SPOCK3: variants seen among roughly 807,000 people sequenced by gnomAD.
SPOCK3 encodes the protein testican-3.
SPOCK3 carries 30 observed loss-of-function variants against 56.6 expected under a neutral mutation model. The ratio of observed to expected loss-of-function variants is 0.53; its 90% CI spans 0.40 to 0.72. The LOEUF (loss-of-function observed/expected upper bound fraction) is 0.72. SPOCK3 is among the 30% of genes least tolerant of loss of function. SPOCK3 has a pLI of 0.00. For synonymous variants in SPOCK3, 196 were observed against 183.3 expected, an observed-to-expected ratio of 1.07 and a Z score of -0.56; for missense variants, 527 against 530.0, an observed-to-expected ratio of 0.99 and a Z score of 0.06.
At chr4:166,776,341 A>G (rs541153389) in intron 7 of SPOCK3, among the ~76,000 whole-genome samples, 1 of 152,270 alleles carries the variant, frequency 6.6e-6, no homozygotes, top group South Asian at 2.1e-4. Flanking sequence ...TCAACCCGGG[A>G]AGTGGATGTT....
chr4:167,055,389 A>C (rs1421889430), intron 3 of SPOCK3, among the ~76,000 whole-genome samples: 1 of 152,186 alleles, frequency 6.6e-6, no homozygotes, highest in African/African-American at 2.4e-5. Flanking sequence ...AAGATGGGTG[A>C]TTTCTGCATT....
chr4:167,131,975 T>C (rs1762738846), intron 2 of SPOCK3, among the ~76,000 whole-genome samples: 1 of 152,318 alleles, frequency 6.6e-6, no homozygotes, highest in African/African-American at 2.4e-5. Flanking sequence ...GAAGCCCAGG[T>C]ATTTATATTT....
intron 2 of SPOCK3, among the ~76,000 whole-genome samples, chr4:167,164,113 C>T (rs1035395314): frequency 2.6e-5 from 4 of 152,170 alleles, no homozygotes; most frequent in African/African-American, 9.6e-5. Context: ...ACTATTCAGA[C>T]TTGTCCAGAC....
At chr4:166,843,258 G>T (rs1747677694) in intron 6 of SPOCK3, among the ~76,000 whole-genome samples, 2 of 152,250 alleles carry the variant, frequency 1.3e-5, no homozygotes, top group African/African-American at 4.8e-5. Flanking sequence ...TGGGCTGAAG[G>T]GCTTCTCAAG....
chr4:167,143,697 A>G (rs1763712857), intron 2 of SPOCK3, among the ~76,000 whole-genome samples: 1 of 151,958 alleles, frequency 6.6e-6, no homozygotes, highest in African/African-American at 2.4e-5. Context: ...TAAAAAATCA[A>G]AAACTAAAAG....
chr4:167,091,245 A>G (rs1000667894), intron 2 of SPOCK3, among the ~76,000 whole-genome samples: 3 of 152,186 alleles, frequency 2.0e-5, no homozygotes, highest in Non-Finnish European at 4.4e-5. Flanking sequence ...ATATTTAAAT[A>G]CCTACATGGT....
chr4:166,765,401 A>G (rs1737867192), intron 7 of SPOCK3, among the ~76,000 whole-genome samples: 1 of 152,204 alleles, frequency 6.6e-6, no homozygotes, highest in African/African-American at 2.4e-5. Context: ...AGCTTTGTAC[A>G]TATGGCTAGC....
chr4:167,067,100 G>A (rs1387704924), intron 2 of SPOCK3, among the ~76,000 whole-genome samples: 1 of 151,834 alleles, frequency 6.6e-6, no homozygotes, highest in African/African-American at 2.4e-5. Context: ...AGGAGATCTT[G>A]ATGCCCAAAA....
chr4:166,923,267 T>G (rs1033719361), intron 4 of SPOCK3, among the ~76,000 whole-genome samples: 1 of 152,238 alleles, frequency 6.6e-6, no homozygotes, highest in Non-Finnish European at 1.5e-5. Flanking sequence ...CATTTAGGTC[T>G]CACCCTGATA....
In SPOCK3 at chr4:167,138,277, C is replaced by T. The variant is rs1456493321; in HGVS notation, c.190-75740G>A. Among the ~76,000 whole-genome samples the T allele has an allele frequency of 2.0e-5, 3 of 151,938 alleles. No individual in the cohort carries two copies. In the East Asian group the frequency reaches 5.8e-4, roughly 29 times the overall value. On this transcript the variant is annotated intron_variant, in intron 2 of 10. Coordinates refer to ENST00000357545, the MANE Select transcript of SPOCK3 (RefSeq NM_001040159.2). ...AAAAACATTAGGTTTTAACTTCAGA[C>T]CATCTCTATTGTCTCTACTATTTTT...
chr4:166,780,938 C>T (rs539239722), intron 7 of SPOCK3, among the ~76,000 whole-genome samples: 33 of 152,228 alleles, frequency 2.2e-4, no homozygotes, highest in African/African-American at 5.3e-4. Context: ...GCCAGTCTCA[C>T]GCTAAGCACA....
chr4:167,182,261 T>C (rs1018472871), intron 2 of SPOCK3, among the ~76,000 whole-genome samples: 6 of 152,076 alleles, frequency 3.9e-5, no homozygotes, highest in African/African-American at 1.4e-4. Flanking sequence ...CAGACTGCAA[T>C]ATCTGTCTAG....
Position 167,127,295 on chromosome 4 carries a change from G to A in SPOCK3, c.190-64758C>T, listed in dbSNP as rs553718860. ...ACACACACACATACACAATCAAGTC[G>A]AACTGATTTCTTCTGTACTTAGTTG... On this transcript the variant is annotated intron_variant, in intron 2 of 10. Coordinates refer to ENST00000357545, the MANE Select transcript of SPOCK3 (RefSeq NM_001040159.2). 3.8e-4 allele frequency among the ~76,000 whole-genome samples: 58 copies of A among 151,836 alleles called. 1 individual carries two copies. The highest frequency in any genetic ancestry group is 1.3e-3 in the African/African-American group (52 of 41,412).
At position 167,186,000 on chromosome 4, in the gene SPOCK3, G is replaced by T. The variant is rs182881337; in HGVS notation, c.189+47985C>A. Among the ~76,000 whole-genome samples the T allele has an allele frequency of 2.9e-3, 444 of 152,144 alleles. 4 individuals are homozygous for T. Among genetic ancestry groups the T allele is most frequent in the African/African-American group, 0.01 (416 of 41,490 alleles). On this transcript the variant is annotated intron_variant, in intron 2 of 10. Transcript: ENST00000357545. ...CATATGCCCAATAGTCCTACAATTT[G>T]CTGAGATTTATTTTACAACAGAGCT...
At chr4:167,009,362 A>G (rs1749790414) in intron 3 of SPOCK3, among the ~76,000 whole-genome samples, 1 of 152,170 alleles carries the variant, frequency 6.6e-6, no homozygotes, top group African/African-American at 2.4e-5. Flanking sequence ...GCAACTAACC[A>G]AAATAAACAT....
chr4:166,966,208 T>C (rs1405126329), intron 4 of SPOCK3, among the ~76,000 whole-genome samples: 1 of 151,436 alleles, frequency 6.6e-6, no homozygotes, highest in Non-Finnish European at 1.5e-5. Flanking sequence ...CATTGTCGGA[T>C]GGATCACCAC....
At chr4:166,742,752 G>T (rs990550583) in intron 8 of SPOCK3, among the ~76,000 whole-genome samples, 1 of 152,030 alleles carries the variant, frequency 6.6e-6, no homozygotes, top group Non-Finnish European at 1.5e-5. Flanking sequence ...AACCGATCTG[G>T]AAATAGTCTT....
intron 6 of SPOCK3, among the ~76,000 whole-genome samples, chr4:166,852,440 A>G (rs1450695297): frequency 6.6e-6 from 1 of 152,122 alleles, no homozygotes; most frequent in Non-Finnish European, 1.5e-5. Flanking sequence ...TCCATCCCTA[A>G]CCACCATTAG....
chr4:166,746,995 G>A (rs1364274389), intron 8 of SPOCK3, among the ~76,000 whole-genome samples: 6 of 152,110 alleles, frequency 3.9e-5, no homozygotes, highest in Admixed American at 6.5e-5. Flanking sequence ...ATAATTAAGA[G>A]CCTACCAACC....
Sources: allele counts gnomAD v4.1 joint callset (sites outside exome capture counted in the v4.1 genomes callset), GRCh38; gene constraint gnomAD v4.1.1; transcripts MANE v1.5; gene names NCBI Gene and HGNC (gene_info 2026-07-23, HGNC 2026-07-21).